CLEC2A: variants seen among roughly 807,000 people sequenced by gnomAD.
CLEC2A encodes keratinocyte-associated C-type lectin.
In CLEC2A, 19 loss-of-function variants were observed where a neutral mutation model predicts 18.6. That is an observed-to-expected ratio of 1.02 (90% CI 0.71 to 1.50). CLEC2A has a LOEUF of 1.50. Among genes scored for constraint, CLEC2A ranks in the 40% most tolerant of loss-of-function variants. CLEC2A has a pLI of 0.00. For missense variants in CLEC2A, 190 were observed against 207.9 expected (o/e 0.91, Z 0.53); for synonymous variants, 74 against 64.0 (o/e 1.16, Z -0.75).
At chr12:9,916,615 T>C (rs1370627260) in intron 4 of CLEC2A, 85 bp downstream of exon 4, 4 of 890,428 alleles carry the variant, frequency 4.5e-6, no homozygotes, top group Non-Finnish European at 7.2e-6. Flanking sequence ...GAAAGATTTG[T>C]TTATAATAAT....
At chr12:9,882,641 T>C in the CLEC2A span, among the ~76,000 whole-genome samples, 1 of 151,894 alleles carries the variant, frequency 6.6e-6, no homozygotes, top group Admixed American at 6.6e-5. Flanking sequence ...ATTAGCTGGG[T>C]ATGGTGGCGT....
At chr12:9,898,211 T>C (rs372184464), downstream of CLEC2A, among the ~76,000 whole-genome samples, 1 of 152,326 alleles carries the variant, frequency 6.6e-6, no homozygotes, top group African/African-American at 2.4e-5. Context: ...AATTTCCTCA[T>C]AGAACTGATA....
At chr12:9,887,872 T>C in the CLEC2A span, among the ~76,000 whole-genome samples, 1 of 151,006 alleles carries the variant, frequency 6.6e-6, no homozygotes, top group African/African-American at 2.4e-5. Context: ...GGCAACATGG[T>C]GAAACCCCGT....
chr12:9,889,457 T>C, the CLEC2A span, among the ~76,000 whole-genome samples: 1 of 152,100 alleles, frequency 6.6e-6, no homozygotes, highest in Non-Finnish European at 1.5e-5. Context: ...CAATTGAAAG[T>C]CTTAGAAAAA....
the CLEC2A span, among the ~76,000 whole-genome samples, chr12:9,878,529 A>C: frequency 1.3e-5 from 2 of 152,334 alleles, no homozygotes; most frequent in Middle Eastern, 3.4e-3. Flanking sequence ...TATATAGAGA[A>C]CACTGAATAA....
the CLEC2A span, chr12:9,888,605 A>G: frequency 1.8e-6 from 1 of 556,162 alleles, no homozygotes; most frequent in Non-Finnish European, 3.2e-6. Context: ...GAGTGGATGC[A>G]TAGGAGAAGA....
At chr12:9,920,771 C>G (rs1324392978) in intron 3 of CLEC2A, among the ~76,000 whole-genome samples, 1 of 152,206 alleles carries the variant, frequency 6.6e-6, no homozygotes, top group African/African-American at 2.4e-5. Context: ...CTAGAGTCCA[C>G]GTGTCTCCTT....
rs77971379 is a variant in CLEC2A at position 9,921,235 on chromosome 12, T to C, written c.306+831A>G. 5.2e-4 allele frequency among the ~76,000 whole-genome samples: 79 copies of C among 152,340 alleles called. No homozygotes were observed. The East Asian group carries it at 0.013, about 24-fold the overall frequency. ...TCATACACAGTTGACTCAAACAATGTGGCAGTTAGGGGCACTGACCGCCTG... is the reference window on the plus strand; with the variant it reads ...TCATACACAGTTGACTCAAACAATGCGGCAGTTAGGGGCACTGACCGCCTG... On this transcript the variant is annotated intron_variant, in intron 3 of 4. Transcript: ENST00000455827.
chr12:9,918,068 G>T (rs971856609), intron 3 of CLEC2A, among the ~76,000 whole-genome samples: 1 of 151,982 alleles, frequency 6.6e-6, no homozygotes, highest in African/African-American at 2.4e-5. Context: ...TGTGTTAATA[G>T]TTTCTTTTGC....
At chr12:9,927,039 CTG>C (rs146343269) in intron 1 of CLEC2A, among the ~76,000 whole-genome samples, 12 of 150,432 alleles carry the variant, frequency 8.0e-5, no homozygotes, top group African/African-American at 1.2e-4. Context: ...ATGTGTGTGT[CTG>C]TGTGTGTGTG....
chr12:9,882,010 T>TTA, the CLEC2A span, among the ~76,000 whole-genome samples: 1 of 151,914 alleles, frequency 6.6e-6, no homozygotes, highest in African/African-American at 2.4e-5. Flanking sequence ...ATATATATGC[T>TTA]TATATATATA....
chr12:9,877,930 C>A, the CLEC2A span, among the ~76,000 whole-genome samples: 1 of 152,146 alleles, frequency 6.6e-6, no homozygotes, highest in Non-Finnish European at 1.5e-5. Flanking sequence ...CATAACAATG[C>A]ATATACAGTC....
the CLEC2A span, chr12:9,893,166 C>A: frequency 6.5e-7 from 1 of 1,529,856 alleles, no homozygotes; most frequent in South Asian, 1.2e-5. Flanking sequence ...TTTGGATGAG[C>A]TGGTGAGAAA....
At chr12:9,894,701 T>C (rs1326462636), downstream of CLEC2A, among the ~76,000 whole-genome samples, 1 of 152,176 alleles carries the variant, frequency 6.6e-6, no homozygotes, top group Non-Finnish European at 1.5e-5. Context: ...TTCATTTCAG[T>C]TCAGATATTT....
intron 2 of CLEC2A, among the ~76,000 whole-genome samples, chr12:9,923,000 A>T (rs1000713041): frequency 3.9e-4 from 60 of 152,264 alleles, no homozygotes; most frequent in African/African-American, 1.4e-3. Flanking sequence ...AATGTGTTTC[A>T]ACTCTGTCTC....
the CLEC2A span, chr12:9,892,903 CA>C: frequency 0.051 from 38,731 of 760,972 alleles, 170 homozygotes; most frequent in African/African-American, 0.091. Flanking sequence ...TTTTATTGAC[CA>C]AAAAAAAAAA....
rs146343269 is a variant in CLEC2A at position 9,927,039 on chromosome 12, C to CTG, written c.56-698_56-697dup. Among the ~76,000 whole-genome samples, 450 of 150,604 alleles carry CTG rather than the reference C, an allele frequency of 3.0e-3. 2 individuals carry two copies. Among genetic ancestry groups the CTG allele is most frequent in the Non-Finnish European group, 5.6e-3 (375 of 67,340 alleles). On this transcript the variant is annotated intron_variant, in intron 1 of 4. Coordinates refer to ENST00000455827, the MANE Select transcript of CLEC2A (RefSeq NM_001130711.2). ...GAAGAATGTGCGTGTATGTGTGTGT[C>CTG]TGTGTGTGTGTGTGTACAGTCATGC... is the stretch of plus-strand genomic sequence containing the variant.
the CLEC2A span, chr12:9,888,707 A>T: frequency 1.2e-5 from 16 of 1,351,506 alleles, no homozygotes; most frequent in Non-Finnish European, 1.6e-5. Flanking sequence ...AATGTTTCTC[A>T]TATCTTTTCT....
At chr12:9,886,078 C>T in the CLEC2A span, among the ~76,000 whole-genome samples, 1 of 151,968 alleles carries the variant, frequency 6.6e-6, no homozygotes, top group African/African-American at 2.4e-5. Flanking sequence ...ATAAATAATG[C>T]AATAATTATT....
Sources: allele counts gnomAD v4.1 joint callset (sites outside exome capture counted in the v4.1 genomes callset), GRCh38; gene constraint gnomAD v4.1.1; transcripts MANE v1.5; gene names NCBI Gene and HGNC (gene_info 2026-07-23, HGNC 2026-07-21).